SLC25A21: variants seen among roughly 807,000 people sequenced by gnomAD.
SLC25A21 encodes solute carrier family 25 member 21, also known as mitochondrial 2-oxodicarboxylate carrier.
SLC25A21 carries 47 observed loss-of-function variants against 43.8 expected under a neutral mutation model. The ratio of observed to expected loss-of-function variants is 1.07; its 90% confidence interval spans 0.85 to 1.37. SLC25A21 has a LOEUF of 1.37. SLC25A21 is among the 40% of genes most tolerant of loss of function. The pLI is 0.00. For synonymous variants in SLC25A21, 131 were observed against 121.3 expected, an observed-to-expected ratio of 1.08 and a Z score of -0.52; for missense variants, 352 against 350.2, an observed-to-expected ratio of 1.00 and a Z score of -0.04.
intron 7 of SLC25A21, among the ~76,000 whole-genome samples, chr14:36,708,158 G>C (rs115909616): frequency 3.3e-5 from 5 of 152,170 alleles, no homozygotes; most frequent in Non-Finnish European, 7.4e-5. Context: ...CCTACTGTAG[G>C]ATACTTTGGA....
At chr14:37,097,933 G>T (rs955696881) in intron 1 of SLC25A21, 2 of 152,012 alleles carry the variant, frequency 1.3e-5, no homozygotes, top group African/African-American at 4.8e-5. Flanking sequence ...ATATAGATAG[G>T]TAGCTATAGA....
At chr14:36,801,562 C>G (rs946408972) in intron 3 of SLC25A21, among the ~76,000 whole-genome samples, 1 of 152,166 alleles carries the variant, frequency 6.6e-6, no homozygotes, top group African/African-American at 2.4e-5. Context: ...TCAGTTCTGC[C>G]GTAGCTCTAC....
At chr14:37,108,946 C>T (rs1962968024) in intron 1 of SLC25A21, among the ~76,000 whole-genome samples, 1 of 152,084 alleles carries the variant, frequency 6.6e-6, no homozygotes, top group Admixed American at 6.6e-5. Context: ...TATTGCAGTT[C>T]CATTACAACC....
intron 9 of SLC25A21, among the ~76,000 whole-genome samples, chr14:36,681,631 C>T (rs1882266897): frequency 6.6e-6 from 1 of 150,552 alleles, no homozygotes. Context: ...ATATCCTGAA[C>T]ACAACTTAGA....
intron 3 of SLC25A21, among the ~76,000 whole-genome samples, chr14:36,754,003 A>G (rs1885827145): frequency 6.6e-6 from 1 of 151,600 alleles, no homozygotes; most frequent in East Asian, 1.9e-4. Context: ...GATCAAAGTG[A>G]TCCTGCTTTG....
chr14:36,859,862 A>G (rs909217702), intron 2 of SLC25A21, among the ~76,000 whole-genome samples: 1 of 152,182 alleles, frequency 6.6e-6, no homozygotes, highest in African/African-American at 2.4e-5. Flanking sequence ...TATTTTTCCA[A>G]ATACATAATT....
At chr14:37,145,472 CACACAG>C (rs1273207776) in intron 1 of SLC25A21, among the ~76,000 whole-genome samples, 2,108 of 42,418 alleles carry the variant, frequency 0.05, 37 homozygotes, top group East Asian at 0.24. Flanking sequence ...CACACACACA[CACACAG>C]AGAGATGAGC....
At chr14:37,142,665 C>A (rs9888585) in intron 1 of SLC25A21, among the ~76,000 whole-genome samples, 26,637 of 152,016 alleles carry the variant, frequency 0.18, 5,638 homozygotes, top group African/African-American at 0.49. Flanking sequence ...ATTTTTTTAA[C>A]GGGGCAAGTC....
At chr14:36,937,517 C>T (rs78208347) in intron 1 of SLC25A21, among the ~76,000 whole-genome samples, 6,607 of 152,250 alleles carry the variant, frequency 0.043, 286 homozygotes, top group Middle Eastern at 0.14. Context: ...AAGGGTAGCA[C>T]TCACTTCATC....
At position 36,914,964 on chromosome 14, in the gene SLC25A21, A is replaced by C. The variant is rs566605844; in HGVS notation, c.71-39960T>G. On this transcript the variant is annotated intron_variant, in intron 1 of 9. Transcript: ENST00000331299. ...AAAAATAAATAAAGGAGGTAGGTAA[A>C]CCATTGATGGCCAGCTTGTTTAATA... is the stretch of plus-strand genomic sequence containing the variant. Among the ~76,000 whole-genome samples the C allele has an allele frequency of 2.6e-5, 4 of 152,262 alleles. No homozygotes were observed. In the South Asian group the frequency reaches 8.3e-4, roughly 32 times the overall value.
intron 1 of SLC25A21, among the ~76,000 whole-genome samples, chr14:37,126,129 C>T (rs1299627306): frequency 6.6e-6 from 1 of 152,148 alleles, no homozygotes; most frequent in African/African-American, 2.4e-5. Flanking sequence ...CTGGCAATAG[C>T]TTTCCTTCCT....
intron 1 of SLC25A21, among the ~76,000 whole-genome samples, chr14:36,981,662 G>A (rs1237637914): frequency 6.6e-6 from 1 of 152,102 alleles, no homozygotes; most frequent in Non-Finnish European, 1.5e-5. Context: ...CACAGGGTGG[G>A]GAACATCACA....
chr14:36,687,814 T>TA (rs1257465884), intron 7 of SLC25A21, among the ~76,000 whole-genome samples: 1 of 152,244 alleles, frequency 6.6e-6, no homozygotes, highest in Non-Finnish European at 1.5e-5. Context: ...CTGTTACCTT[T>TA]ACCAAGTCTT....
chr14:37,057,823 A>G (rs1457729157), intron 1 of SLC25A21, among the ~76,000 whole-genome samples: 2 of 152,226 alleles, frequency 1.3e-5, no homozygotes, highest in Non-Finnish European at 2.9e-5. Context: ...TTTTAACAAC[A>G]TATGCATATT....
intron 1 of SLC25A21, among the ~76,000 whole-genome samples, chr14:37,161,432 C>A (rs1326972418): frequency 6.6e-6 from 1 of 152,006 alleles, no homozygotes; most frequent in Non-Finnish European, 1.5e-5. Flanking sequence ...GAGATATGGA[C>A]CATAAATTTG....
At chr14:36,900,627 T>C (rs1478064666) in intron 1 of SLC25A21, among the ~76,000 whole-genome samples, 1 of 152,216 alleles carries the variant, frequency 6.6e-6, no homozygotes, top group Non-Finnish European at 1.5e-5. Flanking sequence ...GGTTATTCTA[T>C]GTTCCTGTGA....
chr14:36,922,163 A>G (rs848702), intron 1 of SLC25A21, among the ~76,000 whole-genome samples: 19,933 of 151,310 alleles, frequency 0.13, 2,682 homozygotes, highest in African/African-American at 0.34. Flanking sequence ...ATTGTAGTAT[A>G]GAAACTAAGA....
At chr14:36,788,613 A>C (rs1887337377) in intron 3 of SLC25A21, 1 of 149,968 alleles carries the variant, frequency 6.7e-6, no homozygotes, top group African/African-American at 2.5e-5. Context: ...AAGGCTCCAA[A>C]TATTATTCTC....
Position 37,159,657 on chromosome 14 carries a change from A to G in SLC25A21, c.70+12624T>C, listed in dbSNP as rs188657436. Among the ~76,000 whole-genome samples the G allele has an allele frequency of 2.0e-3, 300 of 152,272 alleles. 1 individual carries two copies. The highest frequency in any genetic ancestry group is 7.1e-3 in the African/African-American group (297 of 41,560). ...AAACCTAGGGAAAACTTTCCTGGACATTGGTTTCAGCAAGGAATTTATGAC... is the reference window on the plus strand; with the variant it reads ...AAACCTAGGGAAAACTTTCCTGGACGTTGGTTTCAGCAAGGAATTTATGAC... On this transcript the variant is annotated intron_variant, in intron 1 of 9. Transcript: ENST00000331299.
Sources: allele counts gnomAD v4.1 joint callset (sites outside exome capture counted in the v4.1 genomes callset), GRCh38; gene constraint gnomAD v4.1.1; transcripts MANE v1.5; gene names NCBI Gene and HGNC (gene_info 2026-07-23, HGNC 2026-07-21).